SEZ6L: variants seen among roughly 807,000 people sequenced by gnomAD.
The protein encoded by SEZ6L is seizure 6-like protein.
In SEZ6L, 37 loss-of-function variants were observed where a neutral mutation model predicts 106.2. The ratio of observed to expected loss-of-function variants is 0.35; its 90% confidence interval spans 0.27 to 0.46. The LOEUF (loss-of-function observed/expected upper bound fraction) is 0.46, where lower values mean the gene tolerates loss of function less well. SEZ6L is among the 20% of genes least tolerant of loss of function. SEZ6L has a pLI of 1.00. For synonymous variants in SEZ6L, 541 were observed against 570.4 expected, an observed-to-expected ratio of 0.95 and a Z score of 0.73; for missense variants, 1,172 against 1,332.8, an observed-to-expected ratio of 0.88 and a Z score of 1.88.
intron 1 of SEZ6L, among the ~76,000 whole-genome samples, chr22:26,278,999 A>AGGAAGGAAGGGAAGGAAAGAC (rs1556301604): frequency 1.5e-5 from 2 of 135,528 alleles, no homozygotes; most frequent in African/African-American, 5.6e-5. Flanking sequence ...GAAGGAAGGA[A>AGGAAGGAAGGGAAGGAAAGAC]GGAAGGAAGG....
At chr22:26,254,013 C>T (rs565490348) in intron 1 of SEZ6L, 1 of 152,334 alleles carries the variant, frequency 6.6e-6, no homozygotes, top group African/African-American at 2.4e-5. Flanking sequence ...GGGAAATGTT[C>T]ATCCTTCGTA....
intron 1 of SEZ6L, among the ~76,000 whole-genome samples, chr22:26,291,186 C>T (rs112121515): frequency 0.041 from 6,275 of 152,308 alleles, 153 homozygotes; most frequent in Middle Eastern, 0.068. Context: ...GACGTGGAAT[C>T]AACCTAATGC....
chr22:26,178,243 G>T (rs759922634), intron 1 of SEZ6L, among the ~76,000 whole-genome samples: 2 of 152,164 alleles, frequency 1.3e-5, no homozygotes, highest in Non-Finnish European at 1.5e-5. Flanking sequence ...AATCTTCAAG[G>T]CACCAGCAGA....
At chr22:26,345,562 C>A (rs2082980303) in intron 10 of SEZ6L, among the ~76,000 whole-genome samples, 2 of 152,134 alleles carry the variant, frequency 1.3e-5, no homozygotes, top group Non-Finnish European at 2.9e-5. Flanking sequence ...TTTCAGAGGC[C>A]TAAAAATAGA....
intron 9 of SEZ6L, among the ~76,000 whole-genome samples, chr22:26,321,713 C>T (rs596392): frequency 0.011 from 1,606 of 152,276 alleles, 24 homozygotes; most frequent in Non-Finnish European, 0.017. Flanking sequence ...AAAAATAATT[C>T]CATCCTCCGG....
chr22:26,180,577 A>T (rs1239975526), intron 1 of SEZ6L, among the ~76,000 whole-genome samples: 1 of 152,210 alleles, frequency 6.6e-6, no homozygotes, highest in Non-Finnish European at 1.5e-5. Flanking sequence ...TATTTGGGTA[A>T]ATGACTTAGG....
At chr22:26,177,860 T>C (rs1426317838) in intron 1 of SEZ6L, among the ~76,000 whole-genome samples, 1 of 152,082 alleles carries the variant, frequency 6.6e-6, no homozygotes, top group Non-Finnish European at 1.5e-5. Flanking sequence ...TCTGCCTCAA[T>C]CCTCTCCCTG....
chr22:26,222,579 G>GA (rs140093332), intron 1 of SEZ6L, among the ~76,000 whole-genome samples: 27,176 of 151,764 alleles, frequency 0.18, 2,632 homozygotes, highest in Middle Eastern at 0.22. Flanking sequence ...TCATTCTGGA[G>GA]AAAAAAAACT....
intron 1 of SEZ6L, 139 bp downstream of exon 1, chr22:26,169,902 T>G: frequency 2.5e-6 from 1 of 401,984 alleles, no homozygotes; most frequent in Non-Finnish European, 4.3e-6. Context: ...AAATCGGGGC[T>G]AGGAACCGCA....
chr22:26,254,696 C>T (rs1207386), intron 1 of SEZ6L, among the ~76,000 whole-genome samples: 32,492 of 152,096 alleles, frequency 0.21, 4,064 homozygotes, highest in South Asian at 0.32. Flanking sequence ...ACAGTACTAT[C>T]GCCATTAATT....
chr22:26,182,549 C>T (rs1460802745), intron 1 of SEZ6L, among the ~76,000 whole-genome samples: 5 of 152,002 alleles, frequency 3.3e-5, no homozygotes, highest in Middle Eastern at 3.2e-3. Flanking sequence ...ATTAGGTACC[C>T]AATATAGATA....
intron 1 of SEZ6L, among the ~76,000 whole-genome samples, chr22:26,218,432 G>A (rs2078359366): frequency 6.6e-6 from 1 of 152,094 alleles, no homozygotes; most frequent in Non-Finnish European, 1.5e-5. Context: ...ACAGGTCCTG[G>A]TATGTAATGT....
chr22:26,251,585 G>A (rs969039885), intron 1 of SEZ6L, among the ~76,000 whole-genome samples: 3 of 152,212 alleles, frequency 2.0e-5, no homozygotes, highest in Non-Finnish European at 4.4e-5. Context: ...GGTGGTGGGA[G>A]GAGGCTTGGA....
At chr22:26,348,224 A>C (rs2083074211) in intron 11 of SEZ6L, among the ~76,000 whole-genome samples, 2 of 151,924 alleles carry the variant, frequency 1.3e-5, no homozygotes, top group Admixed American at 1.3e-4. Flanking sequence ...GGCTGGGTGT[A>C]GTGGCTCATG....
At chr22:26,362,219 T>C (rs1043936421) in intron 12 of SEZ6L, among the ~76,000 whole-genome samples, 25 of 152,212 alleles carry the variant, frequency 1.6e-4, no homozygotes, top group Non-Finnish European at 2.8e-4. Flanking sequence ...GCTTTGTGAT[T>C]TGATTCTGGG....
rs539728168 is a variant in SEZ6L at position 26,293,403 on chromosome 22, T to A, written c.835+257T>A. Among the ~76,000 whole-genome samples the A allele has an allele frequency of 1.7e-4, 26 of 152,376 alleles. No homozygotes were observed. The East Asian group carries it at 3.1e-3, about 18-fold the overall frequency. Reference sequence around the variant, plus strand: ...TGGAGTGCCATGGCACGATCATAGCTCACTGCAGCCTCAAACTCCTGTGCT... The same window carrying A: ...TGGAGTGCCATGGCACGATCATAGCACACTGCAGCCTCAAACTCCTGTGCT... On this transcript the variant is annotated intron_variant, in intron 2 of 16. Transcript: ENST00000248933.
intron 1 of SEZ6L, among the ~76,000 whole-genome samples, chr22:26,195,768 A>G (rs1263253007): frequency 6.6e-6 from 1 of 151,512 alleles, no homozygotes; most frequent in African/African-American, 2.4e-5. Context: ...TATAGTGTGT[A>G]TGTACATATA....
intron 3 of SEZ6L, among the ~76,000 whole-genome samples, chr22:26,294,697 TAC>T (rs1347426433): frequency 5.0e-5 from 7 of 140,398 alleles, no homozygotes; most frequent in African/African-American, 1.3e-4. Context: ...CACACACACA[TAC>T]ACACACGCAT....
At chr22:26,273,915 G>GT in intron 1 of SEZ6L, among the ~76,000 whole-genome samples, 1 of 152,290 alleles carries the variant, frequency 6.6e-6, no homozygotes, top group South Asian at 2.1e-4. Context: ...AAGTCAGCAG[G>GT]TGTAGACCTG....
Sources: gnomAD v4.1 joint callset for allele counts (sites outside exome capture counted in the v4.1 genomes callset) on GRCh38, gnomAD v4.1.1 for gene constraint, MANE v1.5 for transcripts, NCBI Gene and HGNC (gene_info 2026-07-23, HGNC 2026-07-21) for gene names.